The following SETBP1 variants were observed in gnomAD, a reference collection of about 807,000 sequenced individuals.
SETBP1 encodes the protein SET binding protein 1.
SETBP1 carries 9 observed loss-of-function variants against 101.0 expected under a neutral mutation model. That is an observed-to-expected ratio of 0.09 (90% CI 0.05 to 0.16). The LOEUF is 0.16. Among genes scored for constraint, SETBP1 ranks in the 10% least tolerant of loss-of-function variants. SETBP1 has a pLI of 1.00. For synonymous variants in SETBP1, 818 were observed against 788.5 expected, an observed-to-expected ratio of 1.04 and a Z score of -0.63; for missense variants, 1,858 against 2,033.8, an observed-to-expected ratio of 0.91 and a Z score of 1.66.
chr18:44,878,174 A>G (rs2069452595), intron 3 of SETBP1, among the ~76,000 whole-genome samples: 1 of 152,168 alleles, frequency 6.6e-6, no homozygotes, highest in South Asian at 2.1e-4. Flanking sequence ...TCAGAACAGA[A>G]ATATAAACAA....
chr18:44,851,069 C>T (rs2072846364), intron 2 of SETBP1, among the ~76,000 whole-genome samples: 1 of 152,188 alleles, frequency 6.6e-6, no homozygotes, highest in South Asian at 2.1e-4. Flanking sequence ...CAGCTGTCCT[C>T]TGGACCTTTG....
chr18:45,011,797 G>A (rs1246018112), intron 4 of SETBP1, among the ~76,000 whole-genome samples: 1 of 152,178 alleles, frequency 6.6e-6, no homozygotes, highest in East Asian at 1.9e-4. Context: ...CCAGCTGTGT[G>A]ATCTTGAGCA....
chr18:45,023,234 T>G (rs2073103396), intron 4 of SETBP1, among the ~76,000 whole-genome samples: 1 of 152,264 alleles, frequency 6.6e-6, no homozygotes, highest in African/African-American at 2.4e-5. Context: ...TAAATTCCAT[T>G]TTTAATGATT....
chr18:44,879,207 G>A (rs745800422), intron 3 of SETBP1, among the ~76,000 whole-genome samples: 7 of 152,200 alleles, frequency 4.6e-5, no homozygotes, highest in Non-Finnish European at 8.8e-5. Context: ...CCACTTTGCT[G>A]TATCCAGTAT....
At chr18:44,998,053 G>A (rs180983712) in intron 4 of SETBP1, among the ~76,000 whole-genome samples, 1 of 152,224 alleles carries the variant, frequency 6.6e-6, no homozygotes, top group Non-Finnish European at 1.5e-5. Flanking sequence ...GGCAGTGAGA[G>A]GCCGTTTAGC....
chr18:44,786,857 T>C (rs563637365), intron 2 of SETBP1, among the ~76,000 whole-genome samples: 11 of 152,010 alleles, frequency 7.2e-5, no homozygotes, highest in Admixed American at 3.9e-4. Context: ...AGCAATTGAG[T>C]TTGTCGGGGG....
intron 1 of SETBP1, among the ~76,000 whole-genome samples, chr18:44,685,346 T>A (rs1568088985): frequency 6.6e-6 from 1 of 152,254 alleles, no homozygotes. Flanking sequence ...AAAATATCTT[T>A]ATATGGCTTC....
intron 4 of SETBP1, among the ~76,000 whole-genome samples, chr18:44,957,986 A>G (rs1007174262): frequency 2.0e-5 from 3 of 152,196 alleles, no homozygotes; most frequent in Non-Finnish European, 4.4e-5. Context: ...GCTGTTGTGG[A>G]GTTCAAGTAG....
Position 44,956,456 on chromosome 18 carries a change from G to A in SETBP1, c.4000+3116G>A, listed in dbSNP as rs147306242. On this transcript the variant is annotated intron_variant, in intron 4 of 5. Transcript: ENST00000649279. The stretch of plus-strand genomic sequence containing the variant: ...CTTTCAGTGACTTTATCTGAGTGGA[G>A]GTGTCTATTCAGCTGGATGGTTCTG... Among the ~76,000 whole-genome samples the A allele has an allele frequency of 1.2e-3, 179 of 151,888 alleles. 3 individuals are homozygous for A. Among genetic ancestry groups the A allele is most frequent in the Non-Finnish European group, 9.0e-4 (61 of 67,968 alleles).
At chr18:44,912,373 C>A (rs1228271322) in intron 3 of SETBP1, among the ~76,000 whole-genome samples, 3 of 152,140 alleles carry the variant, frequency 2.0e-5, no homozygotes, top group Non-Finnish European at 2.9e-5. Context: ...CTGTAGAGGA[C>A]CATATATGTT....
Position 44,957,811 on chromosome 18 carries a change from A to G in SETBP1, c.4000+4471A>G, listed in dbSNP as rs184631835. Among the ~76,000 whole-genome samples the G allele has an allele frequency of 2.0e-5, 3 of 152,386 alleles. No homozygotes were observed. In the East Asian group the frequency reaches 5.8e-4, roughly 29 times the overall value. On this transcript the variant is annotated intron_variant, in intron 4 of 5. Transcript: ENST00000649279. ...GGAAATGTTTCAGGATCATTTCCTT[A>G]AAATGGAATAAAAGGAAGAAGAGGA...
At chr18:44,928,791 T>C (rs1388269041) in intron 3 of SETBP1, among the ~76,000 whole-genome samples, 3 of 152,250 alleles carry the variant, frequency 2.0e-5, no homozygotes, top group African/African-American at 4.8e-5. Flanking sequence ...GATTTTTCCT[T>C]GTAAATTTGT....
chr18:44,693,771 ACAC>A (rs2068971737), intron 1 of SETBP1, among the ~76,000 whole-genome samples: 1 of 152,220 alleles, frequency 6.6e-6, no homozygotes, highest in South Asian at 2.1e-4. Context: ...CCATCTTTTT[ACAC>A]CATTTGCTTT....
At chr18:44,994,029 T>C (rs895905713) in intron 4 of SETBP1, among the ~76,000 whole-genome samples, 3 of 152,084 alleles carry the variant, frequency 2.0e-5, no homozygotes, top group Non-Finnish European at 4.4e-5. Context: ...ATGAAACTCG[T>C]TTATCAAAAG....
intron 5 of SETBP1, among the ~76,000 whole-genome samples, chr18:45,043,356 C>T (rs1157020955): frequency 1.2e-5 from 1 of 80,930 alleles, no homozygotes; most frequent in Non-Finnish European, 3.0e-5. Context: ...CTTTCTCTCT[C>T]TCTCTCTCTC....
At chr18:44,823,737 G>A (rs796611103) in intron 2 of SETBP1, among the ~76,000 whole-genome samples, 7 of 152,302 alleles carry the variant, frequency 4.6e-5, no homozygotes, top group African/African-American at 1.7e-4. Context: ...TAGAAAGGGG[G>A]ATGATATATA....
intron 2 of SETBP1, among the ~76,000 whole-genome samples, chr18:44,868,709 AG>A: frequency 2.0e-4 from 1 of 5,080 alleles, no homozygotes; most frequent in Non-Finnish European, 4.5e-4. Context: ...GACGGAAGGA[AG>A]GGAGGAAGGA....
intron 2 of SETBP1, among the ~76,000 whole-genome samples, chr18:44,711,383 CTTCT>C (rs1280158642): frequency 8.4e-6 from 1 of 119,020 alleles, no homozygotes; most frequent in Non-Finnish European, 1.7e-5. Flanking sequence ...TCCTTCCTTC[CTTCT>C]TTTCCTTCCT....
chr18:45,060,950 A>G (rs973606139), intron 5 of SETBP1, among the ~76,000 whole-genome samples: 2 of 152,220 alleles, frequency 1.3e-5, no homozygotes, highest in Non-Finnish European at 1.5e-5. Context: ...ATACTTCTAT[A>G]TTACATGTCA....
Sources: gnomAD v4.1 joint callset for allele counts (sites outside exome capture counted in the v4.1 genomes callset) on GRCh38, gnomAD v4.1.1 for gene constraint, MANE v1.5 for transcripts, NCBI Gene and HGNC (gene_info 2026-07-23, HGNC 2026-07-21) for gene names.